SUGCT: variants seen among roughly 807,000 people sequenced by gnomAD.
The protein encoded by SUGCT is succinyl-CoA:glutarate CoA-transferase.
Under a neutral mutation model 55.0 loss-of-function variants are expected in SUGCT, and 41 were observed. The ratio of observed to expected loss-of-function variants is 0.74; its 90% CI spans 0.58 to 0.97. SUGCT has a LOEUF of 0.97. Among genes scored for constraint, SUGCT ranks in the 50% least tolerant of loss-of-function variants. SUGCT has a pLI of 0.00. For missense variants in SUGCT, 568 were observed against 547.8 expected, an observed-to-expected ratio of 1.04 and a Z score of -0.37; for synonymous variants, 187 against 200.4, an observed-to-expected ratio of 0.93 and a Z score of 0.56.
chr7:40,743,007 T>C (rs1053040121), intron 12 of SUGCT, among the ~76,000 whole-genome samples: 21 of 152,222 alleles, frequency 1.4e-4, no homozygotes, highest in Non-Finnish European at 2.8e-4. Context: ...TCTGTAATTG[T>C]TTTCTTCAAG....
intron 7 of SUGCT, among the ~76,000 whole-genome samples, chr7:40,272,237 A>T (rs966154422): frequency 7.3e-6 from 1 of 136,236 alleles, no homozygotes; most frequent in African/African-American, 2.7e-5. Context: ...CAGTGGCATG[A>T]TCATAGCTCA....
At chr7:40,822,432 A>G (rs1239629081) in intron 13 of SUGCT, among the ~76,000 whole-genome samples, 1 of 152,086 alleles carries the variant, frequency 6.6e-6, no homozygotes, top group Non-Finnish European at 1.5e-5. Context: ...GACTTGCTTT[A>G]TGAATCTGGG....
chr7:41,024,967 A>G, the SUGCT span, among the ~76,000 whole-genome samples: 1 of 152,278 alleles, frequency 6.6e-6, no homozygotes, highest in Non-Finnish European at 1.5e-5. Flanking sequence ...GGAGCTTACT[A>G]AATAGCAGTT....
chr7:40,523,995 G>A (rs1304766768), intron 12 of SUGCT, among the ~76,000 whole-genome samples: 1 of 151,748 alleles, frequency 6.6e-6, no homozygotes, highest in Non-Finnish European at 1.5e-5. Context: ...ATTAATTTGG[G>A]GGCAAATTTA....
At chr7:40,522,231 A>G (rs1481215553) in intron 12 of SUGCT, among the ~76,000 whole-genome samples, 1 of 152,162 alleles carries the variant, frequency 6.6e-6, no homozygotes, top group African/African-American at 2.4e-5. Flanking sequence ...TCAAACTTGT[A>G]GTTTCTCTAA....
At chr7:40,898,199 A>G in the SUGCT span, among the ~76,000 whole-genome samples, 1 of 152,130 alleles carries the variant, frequency 6.6e-6, no homozygotes, top group African/African-American at 2.4e-5. Flanking sequence ...TGGACGTGCC[A>G]CTTTTATGAA....
chr7:41,020,038 C>T, the SUGCT span, among the ~76,000 whole-genome samples: 1 of 152,152 alleles, frequency 6.6e-6, no homozygotes, highest in African/African-American at 2.4e-5. Flanking sequence ...TTCCTTCTCA[C>T]TCATTTTATC....
intron 12 of SUGCT, among the ~76,000 whole-genome samples, chr7:40,517,382 T>A (rs1024587577): frequency 1.3e-5 from 2 of 152,110 alleles, no homozygotes; most frequent in Non-Finnish European, 2.9e-5. Context: ...TCCAGTAGAA[T>A]GTTAAATAGC....
chr7:40,245,423 A>ATATATATATATAT (rs1344678220), intron 7 of SUGCT, among the ~76,000 whole-genome samples: 1 of 54,596 alleles, frequency 1.8e-5, no homozygotes, highest in Non-Finnish European at 3.3e-5. Flanking sequence ...ATATATATAT[A>ATATATATATATAT]TTTTTTTTTT....
At chr7:40,737,006 C>A (rs1340176943) in intron 12 of SUGCT, among the ~76,000 whole-genome samples, 1 of 152,030 alleles carries the variant, frequency 6.6e-6, no homozygotes, top group Non-Finnish European at 1.5e-5. Context: ...CTAATGATTT[C>A]CAGATTAAAA....
intron 12 of SUGCT, among the ~76,000 whole-genome samples, chr7:40,657,259 C>T (rs188238458): frequency 9.9e-5 from 15 of 151,970 alleles, no homozygotes; most frequent in African/African-American, 3.4e-4. Context: ...TTCTTTTCCC[C>T]TTGGTGAGTA....
At chr7:40,879,029 T>C in the SUGCT span, among the ~76,000 whole-genome samples, 1 of 152,124 alleles carries the variant, frequency 6.6e-6, no homozygotes, top group African/African-American at 2.4e-5. Context: ...CTTGACCTTG[T>C]GATCTGCCTG....
At chr7:40,708,496 C>T (rs548922585) in intron 12 of SUGCT, among the ~76,000 whole-genome samples, 1 of 152,300 alleles carries the variant, frequency 6.6e-6, no homozygotes, top group East Asian at 1.9e-4. Flanking sequence ...GCTTCTCTTG[C>T]CCTATCTACA....
intron 7 of SUGCT, among the ~76,000 whole-genome samples, chr7:40,255,912 C>T (rs1030264897): frequency 6.6e-6 from 1 of 152,058 alleles, no homozygotes; most frequent in African/African-American, 2.4e-5. Flanking sequence ...TATGAATGCT[C>T]ACCTGATATT....
intron 12 of SUGCT, among the ~76,000 whole-genome samples, chr7:40,736,478 C>T (rs889210270): frequency 1.3e-5 from 2 of 151,338 alleles, no homozygotes; most frequent in African/African-American, 4.8e-5. Context: ...CTAAAGACTA[C>T]ATGGATTCAG....
intron 9 of SUGCT, among the ~76,000 whole-genome samples, chr7:40,367,423 A>AAAAT (rs1562719436): frequency 1.4e-5 from 2 of 143,772 alleles, no homozygotes; most frequent in Admixed American, 1.5e-4. Context: ...TAATAATAAT[A>AAAAT]AAATAAATAA....
chr7:40,828,897 T>C (rs1792504344), intron 13 of SUGCT, among the ~76,000 whole-genome samples: 1 of 152,138 alleles, frequency 6.6e-6, no homozygotes, highest in African/African-American at 2.4e-5. Flanking sequence ...CGCATGACTT[T>C]AGCGGTTTGG....
intron 3 of SUGCT, among the ~76,000 whole-genome samples, chr7:40,187,979 A>G (rs1464802454): frequency 6.6e-6 from 1 of 151,942 alleles, no homozygotes; most frequent in Non-Finnish European, 1.5e-5. Flanking sequence ...AGCCTGACCA[A>G]TATGGTGAAA....
At chr7:40,668,070 ATCT>A (rs1265138038) in intron 12 of SUGCT, among the ~76,000 whole-genome samples, 6 of 152,336 alleles carry the variant, frequency 3.9e-5, no homozygotes, top group Middle Eastern at 6.8e-3. Context: ...CTCATTGCTA[ATCT>A]TCTTAAAACT....
Sources: allele counts gnomAD v4.1 joint callset (sites outside exome capture counted in the v4.1 genomes callset), GRCh38; gene constraint gnomAD v4.1.1; transcripts MANE v1.5; gene names NCBI Gene and HGNC (gene_info 2026-07-23, HGNC 2026-07-21).